MICOS10: variants seen among roughly 807,000 people sequenced by gnomAD.
The protein encoded by MICOS10 is mitochondrial contact site and cristae organizing system subunit 10, also known as MICOS complex subunit MIC10.
In MICOS10, 5 loss-of-function variants were observed where a neutral mutation model predicts 13.4. The ratio of observed to expected loss-of-function variants is 0.37; its 90% CI spans 0.20 to 0.78. The LOEUF is 0.78. Ranked by LOEUF, MICOS10 falls within the 30% of genes least tolerant of loss-of-function variation. The pLI is 0.47. For missense variants in MICOS10, 101 were observed against 94.6 expected (o/e 1.07, Z -0.28); for synonymous variants, 35 against 33.6 (o/e 1.04, Z -0.15).
intron 1 of MICOS10, chr1:19,608,592 TG>T: frequency 1.3e-6 from 1 of 775,640 alleles, no homozygotes; most frequent in Non-Finnish European, 2.3e-6. Flanking sequence ...AAATATTTTC[TG>T]TTAATAAATT....
Position 19,627,441 on chromosome 1 carries a change from C to T in MICOS10, c.*1040C>T, listed in dbSNP as rs564714792. The T allele has an allele frequency of 1.3e-5, 2 of 152,198 alleles. No homozygotes were observed. The highest frequency in any genetic ancestry group is 2.9e-5 in the Non-Finnish European group (2 of 68,042). The allele number at this position is 152,198 out of a possible 1,614,324, so 9.4% of individuals were successfully genotyped here. The stretch of plus-strand genomic sequence containing the variant: ...ATGGATAAATAGACACAGGCTTCTG[C>T]CTTCAAGGAGCTTAGAGTCTGATGG... On this transcript the variant is annotated 3_prime_UTR_variant, in exon 4 of 4. Transcript: ENST00000322753.
intron 1 of MICOS10, chr1:19,600,802 A>C (rs2094811185): frequency 4.7e-6 from 4 of 853,002 alleles, no homozygotes; most frequent in Non-Finnish European, 6.7e-6. Flanking sequence ...GGGTTTCACC[A>C]TGTTGCCCAG....
At chr1:19,622,172 C>T in intron 2 of MICOS10, 25 bp downstream of exon 2, 3 of 1,574,952 alleles carry the variant, frequency 1.9e-6, no homozygotes, top group Non-Finnish European at 2.6e-6. Flanking sequence ...GTCTTTTCAA[C>T]ATAATGTCAT....
intron 1 of MICOS10, among the ~76,000 whole-genome samples, chr1:19,619,857 A>G (rs1558346384): frequency 6.6e-6 from 1 of 152,168 alleles, no homozygotes; most frequent in Non-Finnish European, 1.5e-5. Context: ...CCTAATGTTA[A>G]TTCCATAAGG....
intron 1 of MICOS10, among the ~76,000 whole-genome samples, chr1:19,609,185 A>T (rs1319517664): frequency 6.6e-6 from 1 of 151,568 alleles, no homozygotes; most frequent in African/African-American, 2.4e-5. Flanking sequence ...TTTTTTTTTT[A>T]ATCATAGGAA....
At chr1:19,601,587 A>G (rs955710557) in intron 1 of MICOS10, among the ~76,000 whole-genome samples, 7 of 151,830 alleles carry the variant, frequency 4.6e-5, no homozygotes, top group Non-Finnish European at 7.4e-5. Context: ...AAAAAAAAAA[A>G]AAAAGAAAAG....
chr1:19,600,958 G>A, intron 1 of MICOS10: 1 of 1,289,362 alleles, frequency 7.8e-7, no homozygotes, highest in Non-Finnish European at 1.0e-6. Context: ...CATGGTGAAT[G>A]CACAGCAACT....
At chr1:19,615,516 C>T (rs2094880438) in intron 1 of MICOS10, among the ~76,000 whole-genome samples, 1 of 152,196 alleles carries the variant, frequency 6.6e-6, no homozygotes, top group African/African-American at 2.4e-5. Flanking sequence ...TCGTTTTAAC[C>T]TGTCTTACCC....
At chr1:19,620,662 A>G (rs1483808423) in intron 1 of MICOS10, among the ~76,000 whole-genome samples, 3 of 152,200 alleles carry the variant, frequency 2.0e-5, no homozygotes, top group Admixed American at 6.5e-5. Context: ...AATGCCTATA[A>G]TAGGAGCAAA....
At chr1:19,612,369 A>G (rs2094866798) in intron 1 of MICOS10, among the ~76,000 whole-genome samples, 1 of 151,688 alleles carries the variant, frequency 6.6e-6, no homozygotes. Flanking sequence ...TTTATAATGT[A>G]TGCAAGTCCA....
intron 3 of MICOS10, among the ~76,000 whole-genome samples, chr1:19,626,090 A>G (rs557952899): frequency 5.9e-5 from 9 of 152,128 alleles, no homozygotes; most frequent in Non-Finnish European, 1.3e-4. Flanking sequence ...GATGAGAACC[A>G]TGCTCTCCCC....
chr1:19,624,134 C>G (rs1043023492), intron 3 of MICOS10, among the ~76,000 whole-genome samples: 1 of 152,108 alleles, frequency 6.6e-6, no homozygotes, highest in African/African-American at 2.4e-5. Context: ...GCACCTGCCA[C>G]CACGCCTGGC....
At chr1:19,602,664 A>AT (rs1459185711) in intron 1 of MICOS10, among the ~76,000 whole-genome samples, 1 of 152,112 alleles carries the variant, frequency 6.6e-6, no homozygotes, top group African/African-American at 2.4e-5. Flanking sequence ...TTATGGATTT[A>AT]TTTTTAAGTT....
In MICOS10 at chr1:19,597,035, G is replaced by C. The variant is rs199791836; in HGVS notation, c.-11G>C. On this transcript the variant is annotated 5_prime_UTR_variant, in exon 1 of 4. Transcript: ENST00000322753. ...CGGCCGAGAGGAAAGCTGGAGGCGCGGGTGGGGAACATGTCTGAGTCGGAG... is the reference window on the plus strand; with the variant it reads ...CGGCCGAGAGGAAAGCTGGAGGCGCCGGTGGGGAACATGTCTGAGTCGGAG... 2.5e-6 allele frequency: 4 copies of C among 1,580,728 alleles called. No individual in the cohort carries two copies. The African/African-American group carries it at 4.2e-5, about 17-fold the overall frequency.
chr1:19,600,834 C>T (rs2094811299), intron 1 of MICOS10: 4 of 1,228,384 alleles, frequency 3.3e-6, no homozygotes, highest in South Asian at 1.3e-5. Flanking sequence ...ACTCAGGGTC[C>T]AAACGATCCA....
At chr1:19,601,257 T>C in intron 1 of MICOS10, 1 of 340,198 alleles carries the variant, frequency 2.9e-6, no homozygotes, top group South Asian at 2.3e-5. Flanking sequence ...TATTTATAAA[T>C]ACCCTTGCCC....
Position 19,610,629 on chromosome 1 carries a change from C to T in MICOS10, c.65-11471C>T, listed in dbSNP as rs543452650. ...TGCATTTACTTCAATTTTCTTTATC[C>T]AATCTAAGCCATTAGGATGCTTAGG... On this transcript the variant is annotated intron_variant, in intron 1 of 3. Coordinates refer to ENST00000322753, the MANE Select transcript of MICOS10 (RefSeq NM_001032363.4). 6.6e-5 allele frequency among the ~76,000 whole-genome samples: 10 copies of T among 151,930 alleles called. No homozygotes were observed. In the South Asian group the frequency reaches 1.9e-3, roughly 28 times the overall value.
intron 1 of MICOS10, among the ~76,000 whole-genome samples, chr1:19,611,015 G>A (rs1162493780): frequency 6.6e-6 from 1 of 151,554 alleles, no homozygotes; most frequent in Non-Finnish European, 1.5e-5. Flanking sequence ...GCAGTGGCAC[G>A]ATCTTGGCTC....
At chr1:19,607,536 T>A (rs11803023) in intron 1 of MICOS10, among the ~76,000 whole-genome samples, 11,583 of 152,282 alleles carry the variant, frequency 0.076, 511 homozygotes, top group African/African-American at 0.097. Flanking sequence ...ATTGCTAGAT[T>A]GGATCCTGTT....
Sources: gnomAD v4.1 joint callset for allele counts (sites outside exome capture counted in the v4.1 genomes callset) on GRCh38, gnomAD v4.1.1 for gene constraint, MANE v1.5 for transcripts, NCBI Gene and HGNC (gene_info 2026-07-23, HGNC 2026-07-21) for gene names.